NEK11: variants seen among roughly 807,000 people sequenced by gnomAD.
The protein encoded by NEK11 is serine/threonine-protein kinase Nek11.
A neutral mutation model predicts 80.7 loss-of-function variants in NEK11; 72 were observed. The observed-to-expected ratio is 0.89, with a 90% CI of 0.74 to 1.08. The LOEUF (loss-of-function observed/expected upper bound fraction) is 1.08, where lower values mean the gene tolerates loss of function less well. Among genes scored for constraint, NEK11 ranks in the 50% least tolerant of loss-of-function variants. The pLI is 0.00. For synonymous variants in NEK11, 251 were observed against 260.7 expected, an observed-to-expected ratio of 0.96 and a Z score of 0.36; for missense variants, 764 against 763.6, an observed-to-expected ratio of 1.00 and a Z score of -0.01.
chr3:131,126,959 CTTTT>C (rs71133688), intron 5 of NEK11, among the ~76,000 whole-genome samples: 1 of 90,090 alleles, frequency 1.1e-5, no homozygotes, highest in Non-Finnish European at 2.1e-5. Flanking sequence ...TTCTTTCTTT[CTTTT>C]TTTTTTTTTT....
At chr3:131,220,320 A>G (rs904700409) in intron 14 of NEK11, among the ~76,000 whole-genome samples, 1 of 152,114 alleles carries the variant, frequency 6.6e-6, no homozygotes, top group Non-Finnish European at 1.5e-5. Flanking sequence ...TCCTATACAT[A>G]TGAGAAAATA....
At chr3:131,093,430 AT>A (rs11309261) in intron 4 of NEK11, among the ~76,000 whole-genome samples, 137,250 of 151,014 alleles carry the variant, frequency 0.91, 62,858 homozygotes, top group Non-Finnish European at 0.95. Context: ...CAGATGTGCA[AT>A]TTTTTTTTTT....
chr3:131,096,260 A>G (rs1578190394), intron 4 of NEK11, among the ~76,000 whole-genome samples: 1 of 151,798 alleles, frequency 6.6e-6, no homozygotes, highest in East Asian at 1.9e-4. Flanking sequence ...TTTAGCTCCC[A>G]CTTATAACAT....
chr3:131,215,150 G>C (rs2094778041), intron 14 of NEK11, among the ~76,000 whole-genome samples: 1 of 151,908 alleles, frequency 6.6e-6, no homozygotes, highest in African/African-American at 2.4e-5. Context: ...CTTGATTCCT[G>C]CTGTGCTGTG....
At position 131,349,837 on chromosome 3, in the gene NEK11, A is replaced by G. The variant is rs974798415; in HGVS notation, c.*61A>G. 7.7e-6 allele frequency: 10 copies of G among 1,290,738 alleles called. No individual in the cohort carries two copies. The highest frequency in any genetic ancestry group is 1.1e-5 in the Non-Finnish European group (10 of 896,436). The allele number at this position is 1,290,738 out of a possible 1,614,324, so 80.0% of individuals were successfully genotyped here. ...AAATTTATGTGAAAATTCATTTAAC[A>G]TATAAGCTGAACTCTATTATGGGGA... On this transcript the variant is annotated 3_prime_UTR_variant, in exon 18 of 18. Coordinates refer to ENST00000383366, the MANE Select transcript of NEK11 (RefSeq NM_024800.5).
chr3:131,054,339 A>C (rs982677284), intron 3 of NEK11: 2 of 152,172 alleles, frequency 1.3e-5, no homozygotes, highest in Non-Finnish European at 2.9e-5. Flanking sequence ...GAAAAAAAAA[A>C]AGTCAACATT....
chr3:131,118,949 G>GT (rs1158666987), intron 5 of NEK11, among the ~76,000 whole-genome samples: 7 of 152,030 alleles, frequency 4.6e-5, no homozygotes, highest in Non-Finnish European at 1.0e-4. Flanking sequence ...TTTTTGAAGG[G>GT]TTTTTTGTGT....
chr3:131,233,254 C>CT (rs1424151673), intron 15 of NEK11, among the ~76,000 whole-genome samples: 9 of 152,156 alleles, frequency 5.9e-5, no homozygotes, highest in African/African-American at 1.4e-4. Flanking sequence ...AAAGAATGGC[C>CT]TGGCCCTAAC....
At chr3:131,175,048 T>C in intron 14 of NEK11, 1 of 1,259,870 alleles carries the variant, frequency 7.9e-7, no homozygotes. Context: ...ACATGCCCTT[T>C]ACAGTTCTGG....
chr3:131,089,281 T>A (rs1184868067), intron 4 of NEK11, among the ~76,000 whole-genome samples: 1 of 152,200 alleles, frequency 6.6e-6, no homozygotes, highest in African/African-American at 2.4e-5. Flanking sequence ...TGCTAATGTC[T>A]AGGGATATGC....
intron 17 of NEK11, among the ~76,000 whole-genome samples, chr3:131,347,812 A>G (rs1229712839): frequency 6.6e-6 from 1 of 151,852 alleles, no homozygotes; most frequent in Non-Finnish European, 1.5e-5. Flanking sequence ...GGTGGCAGGC[A>G]CCTGTAATCC....
intron 14 of NEK11, among the ~76,000 whole-genome samples, chr3:131,196,345 C>T (rs2094007636): frequency 6.6e-6 from 1 of 150,438 alleles, no homozygotes; most frequent in Admixed American, 6.6e-5. Flanking sequence ...TACTGTATAA[C>T]ACACACAAAA....
chr3:131,251,792 G>T (rs548173405), intron 16 of NEK11, among the ~76,000 whole-genome samples: 2 of 151,996 alleles, frequency 1.3e-5, no homozygotes, highest in Admixed American at 1.3e-4. Context: ...GACCTCTTAT[G>T]TTACCAGAAC....
At chr3:131,254,831 C>A (rs1179306831) in intron 16 of NEK11, among the ~76,000 whole-genome samples, 1 of 151,964 alleles carries the variant, frequency 6.6e-6, no homozygotes, top group Non-Finnish European at 1.5e-5. Flanking sequence ...ACCAGCCAGG[C>A]CAACATGGTG....
chr3:131,204,962 T>G (rs2094399678), intron 14 of NEK11, among the ~76,000 whole-genome samples: 1 of 152,086 alleles, frequency 6.6e-6, no homozygotes, highest in Non-Finnish European at 1.5e-5. Flanking sequence ...GGGAAAGTGA[T>G]CAGCTAAACA....
rs1352304825 is a variant in NEK11 at position 131,297,032 on chromosome 3, G to A, written c.1718+23458G>A. On this transcript the variant is annotated intron_variant, in intron 17 of 17. Coordinates refer to ENST00000383366, the MANE Select transcript of NEK11 (RefSeq NM_024800.5). Reference sequence around the variant, plus strand: ...CTGCATAGTATTCCATGGTGTATATGTGCCACATTTTCTTAATCCAGTCTA... The same window carrying A: ...CTGCATAGTATTCCATGGTGTATATATGCCACATTTTCTTAATCCAGTCTA... 8.5e-5 allele frequency among the ~76,000 whole-genome samples: 13 copies of A among 152,288 alleles called. No homozygotes were observed. In the East Asian group the frequency reaches 2.3e-3, roughly 27 times the overall value.
intron 14 of NEK11, among the ~76,000 whole-genome samples, chr3:131,195,047 C>T (rs926263550): frequency 2.6e-5 from 4 of 152,298 alleles, no homozygotes; most frequent in African/African-American, 4.8e-5. Context: ...CTCATCTCAT[C>T]TCAAGTGCTG....
chr3:131,203,765 GTGTATATATATA>G (rs2094344692), intron 14 of NEK11, among the ~76,000 whole-genome samples: 8 of 104,266 alleles, frequency 7.7e-5, no homozygotes, highest in South Asian at 2.7e-4. Flanking sequence ...GTGTGTGTGT[GTGTATATATATA>G]TATATATATA....
At chr3:131,072,684 A>G (rs1311837579) in intron 3 of NEK11, among the ~76,000 whole-genome samples, 1 of 152,212 alleles carries the variant, frequency 6.6e-6, no homozygotes, top group Non-Finnish European at 1.5e-5. Context: ...GAGAACTTTT[A>G]GAGAAGTAAA....
Sources: allele counts gnomAD v4.1 joint callset (sites outside exome capture counted in the v4.1 genomes callset), GRCh38; gene constraint gnomAD v4.1.1; transcripts MANE v1.5; gene names NCBI Gene and HGNC (gene_info 2026-07-23, HGNC 2026-07-21).